The following IL1RAP variants were observed in gnomAD, a reference collection of about 807,000 sequenced individuals.
IL1RAP encodes the protein interleukin-1 receptor accessory protein.
IL1RAP carries 35 observed loss-of-function variants against 60.7 expected under a neutral mutation model. The observed-to-expected ratio is 0.58, with a 90% CI of 0.44 to 0.76. The LOEUF (loss-of-function observed/expected upper bound fraction) is 0.76. IL1RAP is among the 30% of genes least tolerant of loss of function. IL1RAP has a pLI of 0.00. For synonymous variants in IL1RAP, 268 were observed against 250.9 expected (o/e 1.07, Z -0.64); for missense variants, 572 against 693.9 (o/e 0.82, Z 1.97).
chr3:190,653,563 GA>G (rs1734497092), downstream of IL1RAP, among the ~76,000 whole-genome samples: 2 of 147,616 alleles, frequency 1.4e-5, no homozygotes, highest in African/African-American at 5.2e-5. Context: ...TCATCCAGAG[GA>G]GAAAAAAAAA....
chr3:190,659,211 A>T (rs1236319810), exon 12 of IL1RAP: 1 of 152,228 alleles, frequency 6.6e-6, no homozygotes, highest in Non-Finnish European at 1.5e-5. Flanking sequence ...TTTAGTGAAG[A>T]CAAAGAAATG....
At chr3:190,617,180 C>T (rs1731353776) in intron 5 of IL1RAP, among the ~76,000 whole-genome samples, 1 of 152,096 alleles carries the variant, frequency 6.6e-6, no homozygotes, top group Admixed American at 6.6e-5. Flanking sequence ...ACCCTAAATG[C>T]CTTTTATTGT....
chr3:190,641,218 G>A (rs776791763), intron 9 of IL1RAP, among the ~76,000 whole-genome samples: 2 of 152,220 alleles, frequency 1.3e-5, no homozygotes, highest in African/African-American at 4.8e-5. Flanking sequence ...ACCGGTCTTG[G>A]CCTCCCAAAG....
At chr3:190,654,002 T>C (rs1734514806), downstream of IL1RAP, among the ~76,000 whole-genome samples, 1 of 152,168 alleles carries the variant, frequency 6.6e-6, no homozygotes, top group Non-Finnish European at 1.5e-5. Context: ...TTTAGCATTG[T>C]CCTCTTTCAA....
rs1490198728 is a variant in IL1RAP, at chr3:190,650,738, A to G, written c.*2033A>G. 3 of 982,698 alleles carry G rather than the reference A, an allele frequency of 3.1e-6. No homozygotes were observed. The highest frequency in any genetic ancestry group is 2.4e-6 in the Non-Finnish European group (2 of 827,602). The allele number at this position is 982,698 out of a possible 1,614,324, so 60.9% of individuals were successfully genotyped here. A position where few individuals can be genotyped will look rare whatever the true frequency, so the allele number is the denominator to read the frequency against. The stretch of plus-strand genomic sequence containing the variant: ...TTTAGCCTTATTAATATTTTTCCCT[A>G]TTAGAAACCACAATTACTCCCTCTA... On this transcript the variant is annotated 3_prime_UTR_variant, in exon 12 of 12. Transcript: ENST00000447382.
At chr3:190,610,067 A>T (rs1577720075) in intron 5 of IL1RAP, among the ~76,000 whole-genome samples, 1 of 152,158 alleles carries the variant, frequency 6.6e-6, no homozygotes, top group East Asian at 1.9e-4. Context: ...GTTCCTCACA[A>T]CTCTGAAATA....
chr3:190,590,326 G>A (rs1728836426), intron 3 of IL1RAP, among the ~76,000 whole-genome samples: 2 of 151,780 alleles, frequency 1.3e-5, no homozygotes, highest in Admixed American at 1.3e-4. Flanking sequence ...CACCATCTTG[G>A]CTCACTGCAA....
At chr3:190,620,551 G>GT in intron 6 of IL1RAP, 111 bp downstream of exon 6, 1 of 987,658 alleles carries the variant, frequency 1.0e-6, no homozygotes, top group Non-Finnish European at 1.5e-6. Context: ...AGTGATTCAT[G>GT]TTTTTTGTTT....
chr3:190,649,374 G>C lies in IL1RAP; in HGVS notation c.*669G>C. 1 of 985,614 alleles carries C rather than the reference G, an allele frequency of 1.0e-6. No homozygotes were observed. Among genetic ancestry groups the C allele is most frequent in the Non-Finnish European group, 1.2e-6 (1 of 829,814 alleles). 61.1% of individuals were successfully genotyped at this position (985,614 alleles called of 1,614,324 possible). ...ACTTGAAAAATATTTCTTAATTTTT[G>C]TTTTTGCTCCAGTCAATTCCTGATT... On this transcript the variant is annotated 3_prime_UTR_variant, in exon 12 of 12. Transcript: ENST00000447382.
At position 190,651,043 on chromosome 3, in the gene IL1RAP, G is replaced by A. The variant is rs988643928; in HGVS notation, c.*2338G>A. The A allele has an allele frequency of 1.7e-5, 17 of 983,236 alleles. No individual in the cohort carries two copies. Among genetic ancestry groups the A allele is most frequent in the Non-Finnish European group, 1.9e-5 (16 of 828,372 alleles). The allele number at this position is 983,236 out of a possible 1,614,324, so 60.9% of individuals were successfully genotyped here. ...AAAGCATATCAAGTTTATGTGATAC[G>A]TATCATTGCAAGAGAATTTGTTTCA... On this transcript the variant is annotated 3_prime_UTR_variant, in exon 12 of 12. Transcript: ENST00000447382.
intron 1 of IL1RAP, among the ~76,000 whole-genome samples, chr3:190,522,168 G>A (rs550397731): frequency 3.3e-5 from 5 of 152,194 alleles, no homozygotes; most frequent in Middle Eastern, 3.4e-3. Context: ...AGAGTAGATC[G>A]TAAGAAGTAG....
exon 12 of IL1RAP, chr3:190,657,263 T>G (rs1734647754): frequency 6.6e-6 from 1 of 152,252 alleles, no homozygotes; most frequent in Non-Finnish European, 1.5e-5. Flanking sequence ...TGTTGTATTC[T>G]TATCTGGAGA....
intron 1 of IL1RAP, among the ~76,000 whole-genome samples, chr3:190,521,490 G>A (rs1722016574): frequency 6.6e-6 from 1 of 150,496 alleles, no homozygotes; most frequent in Non-Finnish European, 1.5e-5. Context: ...AATCAGCCCT[G>A]GTCCTGGTTA....
chr3:190,657,934 A>G (rs1734664731), exon 12 of IL1RAP: 1 of 152,130 alleles, frequency 6.6e-6, no homozygotes, highest in African/African-American at 2.4e-5. Flanking sequence ...GGGCACCTGT[A>G]ATCCCAGCTA....
intron 1 of IL1RAP, among the ~76,000 whole-genome samples, chr3:190,529,576 T>C (rs1228299268): frequency 6.6e-6 from 1 of 151,864 alleles, no homozygotes; most frequent in African/African-American, 2.4e-5. Context: ...TCCCAGCTCC[T>C]TGGGAGGCTG....
intron 1 of IL1RAP, among the ~76,000 whole-genome samples, chr3:190,535,905 TTCTCAGGTG>T (rs1723422463): frequency 1.3e-5 from 2 of 152,210 alleles, no homozygotes; most frequent in African/African-American, 4.8e-5. Flanking sequence ...TAGGTTGTCT[TTCTCAGGTG>T]TATTCCATGC....
At chr3:190,541,808 T>G (rs1246844620) in intron 1 of IL1RAP, among the ~76,000 whole-genome samples, 2 of 152,124 alleles carry the variant, frequency 1.3e-5, no homozygotes, top group Non-Finnish European at 2.9e-5. Flanking sequence ...GCAACAACCA[T>G]CATTATCACT....
At chr3:190,643,153 T>C (rs185493822) in intron 9 of IL1RAP, among the ~76,000 whole-genome samples, 299 of 152,202 alleles carry the variant, frequency 2.0e-3, no homozygotes, top group African/African-American at 6.5e-3. Context: ...CAAATTACAA[T>C]ATAATAAGTA....
At chr3:190,568,970 G>A (rs1027790864) in intron 3 of IL1RAP, among the ~76,000 whole-genome samples, 4 of 152,182 alleles carry the variant, frequency 2.6e-5, no homozygotes, top group African/African-American at 4.8e-5. Context: ...ATAGAATTCC[G>A]TGAGAGCAGA....
Sources: allele counts gnomAD v4.1 joint callset (sites outside exome capture counted in the v4.1 genomes callset), GRCh38; gene constraint gnomAD v4.1.1; transcripts MANE v1.5; gene names NCBI Gene and HGNC (gene_info 2026-07-23, HGNC 2026-07-21).